THSD7A: variants seen among roughly 807,000 people sequenced by gnomAD.
The protein encoded by THSD7A is thrombospondin type-1 domain-containing protein 7A.
In THSD7A, 96 loss-of-function variants were observed where a neutral mutation model predicts 231.3. The ratio of observed to expected loss-of-function variants is 0.41; its 90% CI spans 0.35 to 0.49. The LOEUF (loss-of-function observed/expected upper bound fraction) is 0.49. THSD7A is among the 20% of genes least tolerant of loss of function. The pLI, the probability that THSD7A is intolerant of heterozygous loss-of-function variation, is 0.05. For synonymous variants in THSD7A, 940 were observed against 743.3 expected (o/e 1.26, Z -4.30); for missense variants, 2,290 against 2,070.2 (o/e 1.11, Z -2.06).
intron 6 of THSD7A, among the ~76,000 whole-genome samples, chr7:11,527,102 T>G (rs1338119268): frequency 6.6e-6 from 1 of 152,190 alleles, no homozygotes; most frequent in Non-Finnish European, 1.5e-5. Flanking sequence ...TCTAATGGAA[T>G]GCATACCATA....
chr7:11,692,990 GT>G (rs1309796368), intron 1 of THSD7A, among the ~76,000 whole-genome samples: 1 of 151,226 alleles, frequency 6.6e-6, no homozygotes, highest in Non-Finnish European at 1.5e-5. Flanking sequence ...ATGCTATAAG[GT>G]TTTTTTGTTT....
rs1157482558 is a variant in THSD7A, at chr7:11,447,318, C to T, written c.2712G>A (p.Gln904=). Residue 904 remains glutamine (Q), a synonymous_variant, in exon 12 of 28, where the codon CAG becomes CAA. Transcript: ENST00000423059. ...ACCAGCTGGTCAATTGACAGTCATC[C>T]TGGCAGGGGATCTGGCAGGCCTGGG... The part of the protein sequence containing the change: ...ALTQACQIPC[Q]DDCQLTSWSK... The T allele has an allele frequency of 3.7e-6, 6 of 1,612,932 alleles. No individual in the cohort carries two copies. The South Asian group carries it at 4.4e-5, about 12-fold the overall frequency.
chr7:11,512,979 A>G (rs1381424787), intron 6 of THSD7A, among the ~76,000 whole-genome samples: 2 of 144,126 alleles, frequency 1.4e-5, no homozygotes, highest in South Asian at 2.2e-4. Context: ...CTACTCAGCC[A>G]TAAAAAGAAT....
intron 4 of THSD7A, among the ~76,000 whole-genome samples, chr7:11,584,326 A>C (rs553758504): frequency 1.3e-5 from 2 of 152,254 alleles, no homozygotes; most frequent in East Asian, 1.9e-4. Context: ...AATTATACAA[A>C]TATATTAGTA....
At chr7:11,399,475 C>A (rs1039592288) in intron 23 of THSD7A, among the ~76,000 whole-genome samples, 5 of 152,018 alleles carry the variant, frequency 3.3e-5, no homozygotes, top group African/African-American at 1.2e-4. Context: ...TTCTGTCTCA[C>A]TGAATTTATA....
intron 23 of THSD7A, among the ~76,000 whole-genome samples, chr7:11,399,748 T>C (rs933874373): frequency 2.6e-5 from 4 of 152,180 alleles, no homozygotes; most frequent in Non-Finnish European, 5.9e-5. Flanking sequence ...TGGAAGACAG[T>C]GTGGCGATTC....
chr7:11,514,479 C>T (rs995367031), intron 6 of THSD7A, among the ~76,000 whole-genome samples: 3 of 152,006 alleles, frequency 2.0e-5, no homozygotes, highest in Non-Finnish European at 2.9e-5. Flanking sequence ...ATGATAAACA[C>T]AAAATTCATT....
rs1373835554 is a variant in THSD7A, at chr7:11,634,808, A to G, written c.1022+1322T>C. On this transcript the variant is annotated intron_variant, in intron 2 of 27. Transcript: ENST00000423059. This position sits in a 1 kb window ranked among gnomAD's most constrained non-coding sequence, Gnocchi z 4.1. ...TCCAAAAAACAGTAACCAGAACTCTATGATGAGAGAAAGTTATTGTCTTAG... is the reference window on the plus strand; with the variant it reads ...TCCAAAAAACAGTAACCAGAACTCTGTGATGAGAGAAAGTTATTGTCTTAG... Among the ~76,000 whole-genome samples the G allele has an allele frequency of 1.3e-4, 20 of 152,294 alleles. No individual in the cohort carries two copies. The highest frequency in any genetic ancestry group is 2.4e-5 in the African/African-American group (1 of 41,558).
intron 4 of THSD7A, among the ~76,000 whole-genome samples, chr7:11,554,963 T>C (rs916068515): frequency 6.6e-6 from 1 of 151,968 alleles, no homozygotes; most frequent in African/African-American, 2.4e-5. Flanking sequence ...CCCTATTTCA[T>C]TCCTGGTGTT....
chr7:11,793,260 A>T (rs2128178685), intron 1 of THSD7A, among the ~76,000 whole-genome samples: 1 of 152,076 alleles, frequency 6.6e-6, no homozygotes, highest in African/African-American at 2.4e-5. Flanking sequence ...TAAACAAAAC[A>T]ACAAAACATA....
chr7:11,801,573 A>G (rs1784279425), intron 1 of THSD7A, among the ~76,000 whole-genome samples: 1 of 152,186 alleles, frequency 6.6e-6, no homozygotes, highest in Admixed American at 6.5e-5. Flanking sequence ...ATAGTGCTGT[A>G]GTCTATATTA....
chr7:11,737,252 G>C (rs1242192486), intron 1 of THSD7A, among the ~76,000 whole-genome samples: 1 of 152,018 alleles, frequency 6.6e-6, no homozygotes, highest in Non-Finnish European at 1.5e-5. Flanking sequence ...GGTCAGATCA[G>C]ACTGAGAGAA....
intron 6 of THSD7A, among the ~76,000 whole-genome samples, chr7:11,525,593 A>G (rs985824997): frequency 2.0e-5 from 3 of 152,164 alleles, no homozygotes; most frequent in Admixed American, 2.0e-4. Flanking sequence ...CTATTATGAT[A>G]TATCAATTGT....
At chr7:11,808,154 C>A (rs199840369) in intron 1 of THSD7A, among the ~76,000 whole-genome samples, 12 of 150,892 alleles carry the variant, frequency 8.0e-5, no homozygotes, top group Non-Finnish European at 1.5e-5. Flanking sequence ...TAGAAAGAGA[C>A]CACACACACA....
rs1782560568 is a variant in THSD7A, at chr7:11,382,568, G to A, written c.4460C>T (p.Ser1487Phe). The A allele has an allele frequency of 6.2e-7, 1 of 1,612,992 alleles. No homozygotes were observed. The highest frequency in any genetic ancestry group is 8.5e-7 in the Non-Finnish European group (1 of 1,179,270). Residue 1487 changes from serine (S) to phenylalanine (F), a missense_variant, in exon 24 of 28, where the codon TCT becomes TTT. Physicochemically the swap from Ser to Phe is radical, Grantham distance 155 (BLOSUM62 -2). Transcript: ENST00000423059. ...YKWMASAWKG[S>F]SRTVWCQRSD... ...CCTTTGACACCACACTGTTCGGGAA[G>A]AGCCCTTCCAAGCACTGGCCATCCA...
chr7:11,475,281 T>C (rs912776226), intron 7 of THSD7A, among the ~76,000 whole-genome samples: 3 of 152,160 alleles, frequency 2.0e-5, no homozygotes, highest in African/African-American at 4.8e-5. Flanking sequence ...AGCAGACCAC[T>C]GCTGGGTGAA....
chr7:11,516,959 A>C (rs1788055354), intron 6 of THSD7A, among the ~76,000 whole-genome samples: 1 of 152,234 alleles, frequency 6.6e-6, no homozygotes, highest in African/African-American at 2.4e-5. Context: ...CAATGAAATA[A>C]AAGAGAAAAT....
intron 4 of THSD7A, among the ~76,000 whole-genome samples, chr7:11,582,226 T>G (rs575224301): frequency 2.0e-5 from 3 of 151,934 alleles, no homozygotes; most frequent in Non-Finnish European, 2.9e-5. Context: ...GCACATTACT[T>G]AATTATTAAT....
intron 2 of THSD7A, among the ~76,000 whole-genome samples, chr7:11,630,669 A>G (rs1410004114): frequency 6.6e-6 from 1 of 152,160 alleles, no homozygotes; most frequent in East Asian, 1.9e-4. Flanking sequence ...CTTTTTGGAA[A>G]TGCTTCTCCT....
Sources: allele counts gnomAD v4.1 joint callset (sites outside exome capture counted in the v4.1 genomes callset), GRCh38; gene constraint gnomAD v4.1.1; non-coding constraint Gnocchi (gnomAD v3.1); transcripts MANE v1.5; gene names NCBI Gene and HGNC (gene_info 2026-07-23, HGNC 2026-07-21).